Variants in YOD1 observed in about 807,000 individuals in gnomAD.
YOD1 encodes ubiquitin thioesterase OTU1.
In YOD1, 17 loss-of-function variants were observed where a neutral mutation model predicts 23.7. The observed-to-expected ratio is 0.72, with a 90% CI of 0.49 to 1.07. YOD1 has a LOEUF of 1.07. Ranked by LOEUF, YOD1 falls within the 50% of genes least tolerant of loss-of-function variation. The pLI, the probability that YOD1 is intolerant of heterozygous loss-of-function variation, is 0.00. For missense variants in YOD1, 413 were observed against 447.2 expected (o/e 0.92, Z 0.69); for synonymous variants, 191 against 169.6 (o/e 1.13, Z -0.98).
intron 1 of YOD1, 127 bp from the exon 2 acceptor site, chr1:207,049,850 C>T (rs1371552296): frequency 7.2e-6 from 6 of 829,136 alleles, no homozygotes. Context: ...AAGGAGAATA[C>T]AGTTTTGCAA....
chr1:207,052,585 CA>C (rs999833972), upstream of YOD1, among the ~76,000 whole-genome samples: 27 of 151,514 alleles, frequency 1.8e-4, no homozygotes, highest in African/African-American at 5.6e-4. Flanking sequence ...ACACGGGAGG[CA>C]AAAGTTGCGG....
Position 207,049,586 on chromosome 1 carries a change from G to C in YOD1, c.481C>G (p.Leu161Val). 6.2e-7 allele frequency: 1 copy of C among 1,614,200 alleles called. No homozygotes were observed. Among genetic ancestry groups the C allele is most frequent in the Non-Finnish European group, 8.5e-7 (1 of 1,180,038 alleles). ...RTVVPADNSC[L>V]FTSVYYVVEG... ...ACGACATAGTACACACTAGTAAAGA[G>C]GCAAGAGTTGTCTGCTGGGACCACG... is the stretch of plus-strand genomic sequence containing the variant. The change falls in exon 2 of 2, where the codon CTC becomes GTC. Residue 161 changes from leucine (L) to valine (V), a missense_variant. By Grantham distance (32) the Leu-to-Val change is conservative. Coordinates refer to ENST00000315927, the MANE Select transcript of YOD1 (RefSeq NM_018566.4).
At position 207,049,484 on chromosome 1, in the gene YOD1, C is replaced by G; in HGVS notation, c.583G>C (p.Asp195His). 1 of 1,614,170 alleles carries G rather than the reference C, an allele frequency of 6.2e-7. No individual in the cohort carries two copies. The highest frequency in any genetic ancestry group is 8.5e-7 in the Non-Finnish European group (1 of 1,180,036). Residue 195 changes from aspartate (D) to histidine (H), a missense_variant, in exon 2 of 2, where the codon GAC (aspartate) becomes CAC (histidine). Coordinates refer to ENST00000315927, the MANE Select transcript of YOD1 (RefSeq NM_018566.4). The stretch of plus-strand genomic sequence containing the variant: ...CCCAGTATTGCCTCACTATAGAAGT[C>G]TGGATCGCTTGCTACAATTTGTGCT... ...LIAQIVASDP[D>H]FYSEAILGKT... is the part of the protein sequence containing the mutation.
rs141568066 is a variant in YOD1, at chr1:207,049,391, A to C, written c.676T>G (p.Ser226Ala). ...CATTGGTAAAACTTGGACAAAATCG[A>C]TATCTCTATTGCTCCTCCCCAAGTG... The part of the protein sequence containing the change: ...DDTWGGAIEI[S>A]ILSKFYQCEI... Residue 226 changes from serine (S) to alanine (A), a missense_variant, in exon 2 of 2, where the codon TCG (serine) becomes GCG (alanine). Transcript: ENST00000315927. 3 of 1,614,008 alleles carry C rather than the reference A, an allele frequency of 1.9e-6. No homozygotes were observed. In the Admixed American group the frequency reaches 5.0e-5, roughly 27 times the overall value.
At chr1:207,052,208 C>G (rs1682769992), upstream of YOD1, 1 of 1,612,660 alleles carries the variant, frequency 6.2e-7, no homozygotes, top group African/African-American at 1.3e-5. Flanking sequence ...GACTTTGCTT[C>G]TGAATAAATT....
At position 207,049,446 on chromosome 1, in the gene YOD1, T is replaced by C. The variant is rs768085574; in HGVS notation, c.621A>G (p.Gln207=). 1.2e-6 allele frequency: 2 copies of C among 1,614,230 alleles called. No individual in the cohort carries two copies. The highest frequency in any genetic ancestry group is 2.2e-5 in the South Asian group (2 of 91,080). The part of the protein sequence containing the change: ...YSEAILGKTN[Q]EYCDWIKRDD... ...CCCTTTTGATCCAGTCACAGTACTCTTGATTTGTTTTTCCCAGTATTGCCT... is the reference window on the plus strand; with the variant it reads ...CCCTTTTGATCCAGTCACAGTACTCCTGATTTGTTTTTCCCAGTATTGCCT... The change falls in exon 2 of 2, where the codon CAA becomes CAG. Residue 207 remains glutamine, a synonymous_variant. Coordinates refer to ENST00000315927, the MANE Select transcript of YOD1 (RefSeq NM_018566.4).
In YOD1 at chr1:207,048,830, G is replaced by A. The variant is rs1438429441; in HGVS notation, c.*190C>T. ...CATGTATGTACAGTTTACCACTGTA[G>A]ACACACATCTGTAAACTTGCACACT... On this transcript the variant is annotated 3_prime_UTR_variant, in exon 2 of 2. Coordinates refer to ENST00000315927, the MANE Select transcript of YOD1 (RefSeq NM_018566.4). The A allele has an allele frequency of 1.7e-6, 1 of 603,288 alleles. No individual in the cohort carries two copies. The highest frequency in any genetic ancestry group is 2.9e-6 in the Non-Finnish European group (1 of 345,100). The allele number at this position is 603,288 out of a possible 1,614,324, so 37.4% of individuals were successfully genotyped here.
chr1:207,049,220 G>C lies in YOD1; in HGVS notation c.847C>G (p.Leu283Val), dbSNP rs1558053774. ...TCATCATTAGAGGAGAAAATGGTCA[G>C]AGGAGGTGTATCTGGATCAGGGAAG... ...RNFPDPDTPP[L>V]TIFSSNDDIV... The change falls in exon 2 of 2, where the codon CTG (leucine) becomes GTG (valine). Residue 283 changes from leucine (L) to valine (V), a missense_variant. Transcript: ENST00000315927. 1.2e-6 allele frequency: 2 copies of C among 1,614,018 alleles called. No individual in the cohort carries two copies. The highest frequency in any genetic ancestry group is 1.7e-6 in the Non-Finnish European group (2 of 1,180,032).
At chr1:207,052,944 C>T (rs894672435), upstream of YOD1, 1 of 152,196 alleles carries the variant, frequency 6.6e-6, no homozygotes, top group Admixed American at 6.5e-5. Flanking sequence ...TCTCGTCACC[C>T]GGCACACCCG....
chr1:207,052,123 A>G, upstream of YOD1: 1 of 1,476,094 alleles, frequency 6.8e-7, no homozygotes, highest in Admixed American at 1.7e-5. Context: ...TGGGTTTATC[A>G]AGCATCAAAC....
rs1682584036 is a variant in YOD1 at position 207,045,666 on chromosome 1, T to TGTAA, written c.*3350_*3353dup. On this transcript the variant is annotated 3_prime_UTR_variant, in exon 2 of 2. Coordinates refer to ENST00000315927, the MANE Select transcript of YOD1 (RefSeq NM_018566.4). ...CATTCCATTTTTTTTCCCAAAAAGA[T>TGTAA]GTAAGAAAACTATGTTTAGCTTAGG... 2 of 151,608 alleles carry TGTAA rather than the reference T, an allele frequency of 1.3e-5. No individual in the cohort carries two copies. The allele number at this position is 151,608 out of a possible 1,614,324, so 9.4% of individuals were successfully genotyped here.
At chr1:207,050,480 C>T (rs1682711764) in intron 1 of YOD1, among the ~76,000 whole-genome samples, 1 of 152,184 alleles carries the variant, frequency 6.6e-6, no homozygotes, top group Non-Finnish European at 1.5e-5. Flanking sequence ...GCTTTGGGTT[C>T]CCTTTCAACC....
chr1:207,044,315 A>G lies in YOD1; in HGVS notation c.*4705T>C, dbSNP rs900375598. The G allele has an allele frequency of 2.0e-5, 3 of 152,588 alleles. No individual in the cohort carries two copies. The highest frequency in any genetic ancestry group is 7.2e-5 in the African/African-American group (3 of 41,458). The allele number at this position is 152,588 out of a possible 1,614,324, so 9.5% of individuals were successfully genotyped here. A position where few individuals can be genotyped will look rare whatever the true frequency, so the allele number is the denominator to read the frequency against. ...ATTCAAATTTTTTTCAAGGAAAAATACTATTCTGCTAAGTACATATTTCCT... is the reference window on the plus strand; with the variant it reads ...ATTCAAATTTTTTTCAAGGAAAAATGCTATTCTGCTAAGTACATATTTCCT... On this transcript the variant is annotated 3_prime_UTR_variant, in exon 2 of 2. Coordinates refer to ENST00000315927, the MANE Select transcript of YOD1 (RefSeq NM_018566.4).
rs1682672646 is a variant in YOD1, at chr1:207,049,227, T to C, written c.840A>G (p.Thr280=). 6.2e-7 allele frequency: 1 copy of C among 1,613,860 alleles called. No individual in the cohort carries two copies. The highest frequency in any genetic ancestry group is 1.1e-5 in the South Asian group (1 of 91,076). Residue 280 remains threonine (T), a synonymous_variant, in exon 2 of 2, where the codon ACA becomes ACG. Coordinates refer to ENST00000315927, the MANE Select transcript of YOD1 (RefSeq NM_018566.4). ...TAGAGGAGAAAATGGTCAGAGGAGGTGTATCTGGATCAGGGAAGTTACGCT... is the reference window on the plus strand; with the variant it reads ...TAGAGGAGAAAATGGTCAGAGGAGGCGTATCTGGATCAGGGAAGTTACGCT... ...PLQRNFPDPD[T]PPLTIFSSND...
chr1:207,052,700 G>T (rs1234706890), upstream of YOD1, among the ~76,000 whole-genome samples: 1 of 151,356 alleles, frequency 6.6e-6, no homozygotes, highest in Non-Finnish European at 1.5e-5. Flanking sequence ...CTCCAATGGG[G>T]TGTATGGGTG....
chr1:207,051,519 G>A (rs561186453), upstream of YOD1, among the ~76,000 whole-genome samples: 2 of 152,308 alleles, frequency 1.3e-5, no homozygotes, highest in South Asian at 2.1e-4. Context: ...TGGCCTTTCT[G>A]CCTCCCTGGG....
chr1:207,050,909 C>A lies in YOD1; in HGVS notation c.122G>T (p.Ser41Ile). The change falls in exon 1 of 2, where the codon AGC becomes ATC. Residue 41 changes from serine (S) to isoleucine (I), a missense_variant. Ser to Ile is a moderately radical substitution (Grantham distance 142). Coordinates refer to ENST00000315927, the MANE Select transcript of YOD1 (RefSeq NM_018566.4). ...GAGCCGCCACATCGTGTCGGTCCGGCTGCCCACAGGCCAGGCACCCGCGGG... is the reference window on the plus strand; with the variant it reads ...GAGCCGCCACATCGTGTCGGTCCGGATGCCCACAGGCCAGGCACCCGCGGG... ...AGPAGAWPVG[S>I]RTDTMWRLRC... 3 of 1,604,478 alleles carry A rather than the reference C, an allele frequency of 1.9e-6. No homozygotes were observed. Among genetic ancestry groups the A allele is most frequent in the Non-Finnish European group, 2.6e-6 (3 of 1,175,618 alleles).
Position 207,049,093 on chromosome 1 carries a change from TTC to T in YOD1, c.972_973del (p.Lys325ArgfsTer28). On this transcript the variant is annotated frameshift_variant, in exon 2 of 2. Transcript: ENST00000315927. LOFTEE classifies it high-confidence loss of function. ...TGCTTCTGCTTGTCCAGTTAATCCT[TTC>T]TGACATACCATGCATCTCAGGGTGA... 3.1e-6 allele frequency: 5 copies of T among 1,613,972 alleles called. No homozygotes were observed. Among genetic ancestry groups the T allele is most frequent in the Non-Finnish European group, 4.2e-6 (5 of 1,180,004 alleles).
Position 207,047,519 on chromosome 1 carries a change from A to G in YOD1, c.*1501T>C, listed in dbSNP as rs1414315329. On this transcript the variant is annotated 3_prime_UTR_variant, in exon 2 of 2. Coordinates refer to ENST00000315927, the MANE Select transcript of YOD1 (RefSeq NM_018566.4). ...CACTGAATTTCTAAGTGAGATACTT[A>G]ATAAAAAAGAGACCAAAATAACAAA... is the stretch of plus-strand genomic sequence containing the variant. 1.3e-5 allele frequency: 2 copies of G among 152,652 alleles called. No individual in the cohort carries two copies. The highest frequency in any genetic ancestry group is 4.8e-5 in the African/African-American group (2 of 41,480). The allele number at this position is 152,652 out of a possible 1,614,324, so 9.5% of individuals were successfully genotyped here. A position where few individuals can be genotyped will look rare whatever the true frequency, so the allele number is the denominator to read the frequency against.
Sources: gnomAD v4.1 joint callset for allele counts (sites outside exome capture counted in the v4.1 genomes callset) on GRCh38, gnomAD v4.1.1 for gene constraint, MANE v1.5 for transcripts, NCBI Gene and HGNC (gene_info 2026-07-23, HGNC 2026-07-21) for gene names.